LRRIQ3: variants seen among roughly 807,000 people sequenced by gnomAD.
LRRIQ3 encodes the protein leucine-rich repeat and IQ domain-containing protein 3.
Under a neutral mutation model 59.3 loss-of-function variants are expected in LRRIQ3, and 75 were observed. The observed-to-expected ratio is 1.26, with a 90% CI of 1.05 to 1.53. The LOEUF (loss-of-function observed/expected upper bound fraction) is 1.53. Ranked by LOEUF, LRRIQ3 falls within the 40% of genes most tolerant of loss-of-function variation. The probability of loss-of-function intolerance (pLI) is 0.00; values close to 1 mark genes in which losing one functional copy is unlikely to be tolerated. For missense variants in LRRIQ3, 831 were observed against 710.0 expected (o/e 1.17, Z -1.94); for synonymous variants, 250 against 231.3 (o/e 1.08, Z -0.73).
chr1:74,029,266 C>T (rs990613362), intron 7 of LRRIQ3, among the ~76,000 whole-genome samples: 12 of 151,980 alleles, frequency 7.9e-5, no homozygotes, highest in Non-Finnish European at 1.6e-4. Context: ...ATAGGAGTGG[C>T]GAGAGAGGGC....
At chr1:74,035,317 T>G (rs1357892384) in intron 7 of LRRIQ3, among the ~76,000 whole-genome samples, 1 of 152,114 alleles carries the variant, frequency 6.6e-6, no homozygotes, top group Non-Finnish European at 1.5e-5. Flanking sequence ...AATATATAGA[T>G]AGATAAATGT....
chr1:74,185,238 G>T (rs1650281922), intron 1 of LRRIQ3, among the ~76,000 whole-genome samples: 1 of 152,144 alleles, frequency 6.6e-6, no homozygotes, highest in Non-Finnish European at 1.5e-5. Flanking sequence ...CTTCCAATGT[G>T]GTTGTACCAT....
At chr1:74,190,756 A>C (rs1164263569) in intron 1 of LRRIQ3, among the ~76,000 whole-genome samples, 1 of 152,082 alleles carries the variant, frequency 6.6e-6, no homozygotes, top group Admixed American at 6.6e-5. Flanking sequence ...TAAAAAAAAA[A>C]TCTTGGAAAA....
At chr1:74,037,002 A>G (rs1051716206) in intron 7 of LRRIQ3, among the ~76,000 whole-genome samples, 1 of 152,146 alleles carries the variant, frequency 6.6e-6, no homozygotes, top group Non-Finnish European at 1.5e-5. Flanking sequence ...AAAAATATAC[A>G]TTGCTTCTTA....
At position 74,182,811 on chromosome 1, in the gene LRRIQ3, T is replaced by C. The variant is rs754577731; in HGVS notation, c.300A>G (p.Lys100=). 6.3e-6 allele frequency: 10 copies of C among 1,593,012 alleles called. No homozygotes were observed. The South Asian group carries it at 1.1e-4, about 18-fold the overall frequency. The change falls in exon 3 of 8, where the codon AAA becomes AAG. Residue 100 remains lysine, a synonymous_variant. Transcript: ENST00000354431. ...TKFWNGLKNL[K]LLYLHDNGFA... ...ACCCATTGTCATGAAGATAGAGTAG[T>C]TTTAGGTTCTTCAATCCATTCCAAA...
At position 74,198,174 on chromosome 1, in the gene LRRIQ3, G is replaced by A; in HGVS notation, c.-179C>T. The A allele has an allele frequency of 6.5e-7, 1 of 1,531,150 alleles. No homozygotes were observed. The highest frequency in any genetic ancestry group is 2.3e-5 in the East Asian group (1 of 43,746). The allele number at this position is 1,531,150 out of a possible 1,614,324, so 94.8% of individuals were successfully genotyped here. ...CCAGCCAAGGCGCTCCGGGGGCGTGGTTACGTGGGCGACGCACGGAGGGGG... is the reference window on the plus strand; with the variant it reads ...CCAGCCAAGGCGCTCCGGGGGCGTGATTACGTGGGCGACGCACGGAGGGGG... On this transcript the variant is annotated 5_prime_UTR_variant, in exon 1 of 8. Coordinates refer to ENST00000354431, the MANE Select transcript of LRRIQ3 (RefSeq NM_001105659.2).
intron 6 of LRRIQ3, among the ~76,000 whole-genome samples, chr1:74,061,295 A>G (rs2100444782): frequency 6.6e-6 from 1 of 152,254 alleles, no homozygotes; most frequent in Middle Eastern, 3.4e-3. Context: ...ACACAAACAA[A>G]TGGAAAAACA....
At chr1:74,129,273 T>C (rs1203355301) in intron 4 of LRRIQ3, among the ~76,000 whole-genome samples, 2 of 151,974 alleles carry the variant, frequency 1.3e-5, no homozygotes, top group Non-Finnish European at 2.9e-5. Flanking sequence ...ACTTTAGGAA[T>C]CTACCTGTCA....
At chr1:74,195,027 G>C (rs571258586) in intron 1 of LRRIQ3, among the ~76,000 whole-genome samples, 6 of 152,194 alleles carry the variant, frequency 3.9e-5, no homozygotes, top group African/African-American at 1.4e-4. Flanking sequence ...AAAATACTAA[G>C]GGAGGAAGTA....
intron 3 of LRRIQ3, among the ~76,000 whole-genome samples, chr1:74,176,624 G>C (rs1649656311): frequency 7.5e-6 from 1 of 132,854 alleles, no homozygotes. Flanking sequence ...GATACCTGAA[G>C]CTATGTTCAT....
intron 5 of LRRIQ3, 107 bp downstream of exon 5, chr1:74,109,287 A>G (rs1445226339): frequency 2.5e-6 from 2 of 798,596 alleles, no homozygotes; most frequent in Non-Finnish European, 4.0e-6. Flanking sequence ...TTAACAATGT[A>G]ATGAAGGACA....
At chr1:74,173,990 G>T (rs1649484995) in intron 3 of LRRIQ3, among the ~76,000 whole-genome samples, 1 of 151,978 alleles carries the variant, frequency 6.6e-6, no homozygotes. Flanking sequence ...GATGTATCTT[G>T]ATGTAAATTT....
rs555539208 is a variant in LRRIQ3, at chr1:74,051,060, C to A, written c.998-9127G>T. 4.6e-5 allele frequency among the ~76,000 whole-genome samples: 7 copies of A among 152,230 alleles called. No individual in the cohort carries two copies. In the East Asian group the frequency reaches 1.4e-3, roughly 29 times the overall value. ...TTTATTGTAATAGAATAGAAAATTACAGAGATGCACAGGCGTTACCCCTCT... is the reference window on the plus strand; with the variant it reads ...TTTATTGTAATAGAATAGAAAATTAAAGAGATGCACAGGCGTTACCCCTCT... On this transcript the variant is annotated intron_variant, in intron 6 of 7. Transcript: ENST00000354431.
intron 5 of LRRIQ3, among the ~76,000 whole-genome samples, chr1:74,096,219 C>A (rs1461827871): frequency 6.6e-6 from 1 of 151,986 alleles, no homozygotes; most frequent in East Asian, 1.9e-4. Context: ...TCATGTCATG[C>A]AGCCTCTGGA....
At position 74,051,985 on chromosome 1, in the gene LRRIQ3, T is replaced by TAC. The variant is rs547656751; in HGVS notation, c.998-10054_998-10053dup. Among the ~76,000 whole-genome samples the TAC allele has an allele frequency of 1.8e-4, 28 of 152,274 alleles. No homozygotes were observed. In the South Asian group the frequency reaches 5.6e-3, roughly 30 times the overall value. ...GACTTAGGATTAAGGTCAAACTTTC[T>TAC]ACAGGTTCCTGAATAACTATGAATC... On this transcript the variant is annotated intron_variant, in intron 6 of 7. Transcript: ENST00000354431.
chr1:74,138,408 A>G, intron 4 of LRRIQ3: 9 of 879,826 alleles, frequency 1.0e-5, no homozygotes, highest in Non-Finnish European at 1.2e-5. Flanking sequence ...CTGTCTCCAA[A>G]TATCCTTCAA....
At chr1:74,029,111 T>C (rs1238590512) in intron 7 of LRRIQ3, among the ~76,000 whole-genome samples, 1 of 152,132 alleles carries the variant, frequency 6.6e-6, no homozygotes, top group African/African-American at 2.4e-5. Flanking sequence ...AAGGAGATTT[T>C]GGGCTGAGAC....
chr1:74,116,022 A>G (rs1198065974), intron 4 of LRRIQ3, among the ~76,000 whole-genome samples: 1 of 152,098 alleles, frequency 6.6e-6, no homozygotes, highest in African/African-American at 2.4e-5. Context: ...CAATTAAAAT[A>G]AGTCCAAAAT....
At chr1:74,135,288 C>T (rs1475565985) in intron 4 of LRRIQ3, among the ~76,000 whole-genome samples, 1 of 151,876 alleles carries the variant, frequency 6.6e-6, no homozygotes, top group Non-Finnish European at 1.5e-5. Context: ...AAGAATTACA[C>T]AATTCACCAG....
Sources: gnomAD v4.1 joint callset for allele counts (sites outside exome capture counted in the v4.1 genomes callset) on GRCh38, gnomAD v4.1.1 for gene constraint, MANE v1.5 for transcripts, NCBI Gene and HGNC (gene_info 2026-07-23, HGNC 2026-07-21) for gene names.